UTRN: variants seen among roughly 807,000 people sequenced by gnomAD.
UTRN encodes utrophin, also known as dystrophin-related protein 1.
In UTRN, 283 loss-of-function variants were observed where a neutral mutation model predicts 463.9. The ratio of observed to expected loss-of-function variants is 0.61; its 90% confidence interval spans 0.55 to 0.67. UTRN has a LOEUF of 0.67. UTRN is among the 30% of genes least tolerant of loss of function. The probability of loss-of-function intolerance (pLI) is 0.00; values close to 1 mark genes in which losing one functional copy is unlikely to be tolerated. For synonymous variants in UTRN, 1,442 were observed against 1,431.5 expected, an observed-to-expected ratio of 1.01 and a Z score of -0.17; for missense variants, 3,922 against 4,084.3, an observed-to-expected ratio of 0.96 and a Z score of 1.08.
At chr6:144,844,856 C>T (rs191010522) in intron 73 of UTRN, among the ~76,000 whole-genome samples, 157 of 152,326 alleles carry the variant, frequency 1.0e-3, no homozygotes, top group African/African-American at 3.6e-3. Flanking sequence ...TTGTCGCCAG[C>T]ATACAATGAA....
At chr6:144,747,757 T>C (rs1562856675) in intron 54 of UTRN, among the ~76,000 whole-genome samples, 1 of 152,206 alleles carries the variant, frequency 6.6e-6, no homozygotes, top group African/African-American at 2.4e-5. Context: ...ATCTAAGGTA[T>C]GTTATTTGTC....
chr6:144,623,499 T>C (rs1433389707), intron 51 of UTRN, among the ~76,000 whole-genome samples: 2 of 152,178 alleles, frequency 1.3e-5, no homozygotes, highest in African/African-American at 4.8e-5. Flanking sequence ...TACATTGAAA[T>C]AGATCCCCTT....
Position 144,557,137 on chromosome 6 carries a change from G to C in UTRN, c.7135-20G>C. ...ACTGAGTGACCAAGTCTAACAAACA[G>C]ACCTGCACTTGCACCTCAGATACTG... On this transcript the variant is annotated intron_variant, in intron 49 of 74. Transcript: ENST00000367545. The C allele has an allele frequency of 6.2e-7, 1 of 1,611,006 alleles. No individual in the cohort carries two copies.
chr6:144,613,152 T>C lies in UTRN; in HGVS notation c.7479+35864T>C, dbSNP rs192062094. ...GATATCACTTATCTATGGAATCTAATACATTTGAATTAATAGAAGTAGACA... is the reference window on the plus strand; with the variant it reads ...GATATCACTTATCTATGGAATCTAACACATTTGAATTAATAGAAGTAGACA... On this transcript the variant is annotated intron_variant, in intron 51 of 74. Coordinates refer to ENST00000367545, the MANE Select transcript of UTRN (RefSeq NM_007124.3). Among the ~76,000 whole-genome samples, 538 of 152,120 alleles carry C rather than the reference T, an allele frequency of 3.5e-3. 3 individuals carry two copies. The highest frequency in any genetic ancestry group is 0.012 in the African/African-American group (510 of 41,540).
At chr6:144,521,084 G>A (rs1796047620) in intron 39 of UTRN, among the ~76,000 whole-genome samples, 1 of 152,022 alleles carries the variant, frequency 6.6e-6, no homozygotes, top group Non-Finnish European at 1.5e-5. Flanking sequence ...TTAAGAGTTC[G>A]AGGCCAGCCT....
rs990833340 is a variant in UTRN, at chr6:144,676,403, A to C, written c.7480-2003A>C. Among the ~76,000 whole-genome samples the C allele has an allele frequency of 2.6e-5, 4 of 152,182 alleles. No homozygotes were observed. In the East Asian group the frequency reaches 7.7e-4, roughly 29 times the overall value. On this transcript the variant is annotated intron_variant, in intron 51 of 74. Coordinates refer to ENST00000367545, the MANE Select transcript of UTRN (RefSeq NM_007124.3). Reference sequence around the variant, plus strand: ...CAGATAACTTCACTTAAATATGTGCATAAAGGCTAGATCTTGTCAAAATTT... The same window carrying C: ...CAGATAACTTCACTTAAATATGTGCCTAAAGGCTAGATCTTGTCAAAATTT...
intron 51 of UTRN, among the ~76,000 whole-genome samples, chr6:144,662,529 T>C (rs912285015): frequency 2.0e-5 from 3 of 152,246 alleles, no homozygotes; most frequent in African/African-American, 7.2e-5. Flanking sequence ...GAGAGAATAC[T>C]AGCCTTAACG....
chr6:144,710,057 A>G (rs1237519955), intron 53 of UTRN, among the ~76,000 whole-genome samples: 1 of 152,216 alleles, frequency 6.6e-6, no homozygotes, highest in Non-Finnish European at 1.5e-5. Flanking sequence ...CCTCAGTGAT[A>G]TATTTTAATA....
chr6:144,314,446 G>T (rs985631515), intron 2 of UTRN, among the ~76,000 whole-genome samples: 5 of 152,222 alleles, frequency 3.3e-5, no homozygotes, highest in African/African-American at 1.2e-4. Context: ...ACTTGTTGAT[G>T]GGAAATGTAG....
intron 2 of UTRN, among the ~76,000 whole-genome samples, chr6:144,310,312 G>A (rs1361911936): frequency 1.3e-5 from 2 of 152,116 alleles, no homozygotes; most frequent in African/African-American, 4.8e-5. Context: ...TGAGGCAGGC[G>A]GATCACCTGA....
Position 144,704,569 on chromosome 6 carries a change from C to T in UTRN, c.7809+4326C>T, listed in dbSNP as rs533004549. Among the ~76,000 whole-genome samples the T allele has an allele frequency of 5.4e-4, 83 of 152,304 alleles. 2 individuals carry two copies. In the South Asian group the frequency reaches 7.9e-3, roughly 14 times the overall value. On this transcript the variant is annotated intron_variant, in intron 53 of 74. Transcript: ENST00000367545. ...GGCTGGAGGATTCCTTGATTCCTTC[C>T]AGGGTAGCCATCATGTATTAATAAG...
chr6:144,623,762 C>T (rs1250531504), intron 51 of UTRN, among the ~76,000 whole-genome samples: 1 of 152,068 alleles, frequency 6.6e-6, no homozygotes, highest in Non-Finnish European at 1.5e-5. Context: ...GATTTTTTCC[C>T]TTCATTCAAC....
intron 3 of UTRN, among the ~76,000 whole-genome samples, chr6:144,419,635 A>T (rs536127517): frequency 6.6e-6 from 1 of 152,350 alleles, no homozygotes; most frequent in African/African-American, 2.4e-5. Flanking sequence ...ACAAACCTGC[A>T]TATGAACTCC....
At chr6:144,448,290 G>A (rs1787893130) in intron 16 of UTRN, among the ~76,000 whole-genome samples, 1 of 152,164 alleles carries the variant, frequency 6.6e-6, no homozygotes. Context: ...GAAGCCAATC[G>A]CAAGATTATA....
intron 13 of UTRN, among the ~76,000 whole-genome samples, chr6:144,443,631 G>A (rs1787380804): frequency 6.6e-6 from 1 of 152,018 alleles, no homozygotes; most frequent in Admixed American, 6.6e-5. Context: ...ATCATGAAGA[G>A]TGATTTTTTA....
intron 2 of UTRN, among the ~76,000 whole-genome samples, chr6:144,347,214 C>G (rs981937727): frequency 2.0e-5 from 3 of 152,232 alleles, no homozygotes; most frequent in African/African-American, 2.4e-5. Context: ...TTAAAAGATT[C>G]ACTACTTGGG....
intron 2 of UTRN, among the ~76,000 whole-genome samples, chr6:144,373,323 G>GTAT (rs1338550580): frequency 1.3e-5 from 2 of 152,160 alleles, no homozygotes; most frequent in Non-Finnish European, 2.9e-5. Context: ...ATATAATGGA[G>GTAT]TATTATTCAG....
intron 53 of UTRN, among the ~76,000 whole-genome samples, chr6:144,712,553 A>G (rs530276414): frequency 1.6e-4 from 24 of 152,330 alleles, no homozygotes; most frequent in African/African-American, 5.5e-4. Flanking sequence ...CAGTTCATAT[A>G]TTCACTCAGG....
At chr6:144,632,926 G>A (rs1037059242) in intron 51 of UTRN, among the ~76,000 whole-genome samples, 2 of 151,814 alleles carry the variant, frequency 1.3e-5, no homozygotes, top group African/African-American at 4.8e-5. Context: ...TCTCCATGTT[G>A]GTCAGGCTGG....
Sources: gnomAD v4.1 joint callset for allele counts (sites outside exome capture counted in the v4.1 genomes callset) on GRCh38, gnomAD v4.1.1 for gene constraint, MANE v1.5 for transcripts, NCBI Gene and HGNC (gene_info 2026-07-23, HGNC 2026-07-21) for gene names.